LIPN: variants seen among roughly 807,000 people sequenced by gnomAD.
LIPN encodes the protein lipase member N.
LIPN carries 32 observed loss-of-function variants against 43.7 expected under a neutral mutation model. That is an observed-to-expected ratio of 0.73 (90% confidence interval 0.55 to 0.98). LIPN has a LOEUF of 0.98. Among genes scored for constraint, LIPN ranks in the 50% least tolerant of loss-of-function variants. LIPN has a pLI of 0.00. For missense variants in LIPN, 505 were observed against 483.8 expected, an observed-to-expected ratio of 1.04 and a Z score of -0.41; for synonymous variants, 156 against 157.6, an observed-to-expected ratio of 0.99 and a Z score of 0.08.
intron 7 of LIPN, among the ~76,000 whole-genome samples, chr10:88,771,442 C>G (rs1012635729): frequency 1.1e-4 from 17 of 151,938 alleles, no homozygotes; most frequent in African/African-American, 3.9e-4. Flanking sequence ...CCTCTGGTAA[C>G]CATCATTCTT....
At chr10:88,757,573 C>T (rs1842941842), upstream of LIPN, among the ~76,000 whole-genome samples, 1 of 151,994 alleles carries the variant, frequency 6.6e-6, no homozygotes, top group Non-Finnish European at 1.5e-5. Context: ...CTATTATAGC[C>T]ATTATTGTTT....
upstream of LIPN, among the ~76,000 whole-genome samples, chr10:88,758,781 A>G (rs1055373378): frequency 2.0e-5 from 3 of 151,966 alleles, no homozygotes; most frequent in African/African-American, 7.2e-5. Context: ...TTGAGGAGGG[A>G]ATATAAGTCA....
intron 7 of LIPN, among the ~76,000 whole-genome samples, chr10:88,772,303 AT>A (rs1843223171): frequency 6.6e-6 from 1 of 151,864 alleles, no homozygotes; most frequent in South Asian, 2.1e-4. Flanking sequence ...TTGCCTGTGC[AT>A]TTGAGGGCTT....
At chr10:88,768,015 T>TACACACATACACACACACACACACACAC (rs1370426410) in intron 5 of LIPN, among the ~76,000 whole-genome samples, 5 of 140,980 alleles carry the variant, frequency 3.5e-5, no homozygotes, top group African/African-American at 1.3e-4. Flanking sequence ...AGTGTTTCAG[T>TACACACATACACACACACACACACACAC]ACACACACAC....
At chr10:88,766,229 A>C in intron 4 of LIPN, 40 bp from the exon 5 acceptor site, 1 of 974,594 alleles carries the variant, frequency 1.0e-6, no homozygotes, top group Non-Finnish European at 1.6e-6. Context: ...TTAAACTTAA[A>C]CTTGCAAGTA....
chr10:88,766,406 G>A (rs1450579642), intron 5 of LIPN, 28 bp downstream of exon 5: 8 of 1,333,054 alleles, frequency 6.0e-6, no homozygotes, highest in African/African-American at 1.4e-5. Context: ...ACTGTTAGGT[G>A]TGTTTTTGAG....
At position 88,768,683 on chromosome 10, in the gene LIPN, A is replaced by C. The variant is rs1028728477; in HGVS notation, c.536-109A>C. ...CTCAGAAGACTTCCAATTCATCCCCAGTATGATCACGATAGAAGGAAAAAA... is the reference window on the plus strand; with the variant it reads ...CTCAGAAGACTTCCAATTCATCCCCCGTATGATCACGATAGAAGGAAAAAA... On this transcript the variant is annotated intron_variant, in intron 5 of 9. Coordinates refer to ENST00000404459, the MANE Select transcript of LIPN (RefSeq NM_001102469.2). The C allele has an allele frequency of 1.2e-5, 9 of 775,786 alleles. No homozygotes were observed. The African/African-American group carries it at 1.6e-4, about 14-fold the overall frequency. 48.1% of individuals were successfully genotyped at this position (775,786 alleles called of 1,614,324 possible).
intron 6 of LIPN, chr10:88,769,496 A>T (rs1205253392): frequency 1.3e-6 from 1 of 745,144 alleles, no homozygotes; most frequent in Admixed American, 6.6e-5. Context: ...TGGATTTGGG[A>T]TTTTATCTAT....
chr10:88,779,097 C>G lies in LIPN; in HGVS notation c.*855C>G, dbSNP rs1268954079. 1.3e-5 allele frequency among the ~76,000 whole-genome samples: 2 copies of G among 152,172 alleles called. No homozygotes were observed. The highest frequency in any genetic ancestry group is 3.8e-4 in the East Asian group (2 of 5,198). ...AACATTAAGTATTTTCTTCCTCCAT[C>G]TTAAAAGCAATGAGAAGCCACCAAA... is the stretch of plus-strand genomic sequence containing the variant. On this transcript the variant is annotated 3_prime_UTR_variant, in exon 10 of 10. Transcript: ENST00000404459.
At chr10:88,764,260 A>G (rs1843050253) in intron 3 of LIPN, 150 bp from the exon 4 acceptor site, 3 of 569,666 alleles carry the variant, frequency 5.3e-6, no homozygotes, top group Non-Finnish European at 6.1e-6. Context: ...TTGACAAGGG[A>G]AAAGTGAAAA....
Position 88,770,863 on chromosome 10 carries a change from G to A in LIPN, c.691G>A (p.Gly231Ser), listed in dbSNP as rs1378039376. Residue 231 changes from glycine (G) to serine (S), a missense_variant, in exon 7 of 10, where the codon GGT becomes AGT. By Grantham distance (56) the Gly-to-Ser change is moderately conservative. Transcript: ENST00000404459. ...TTCATAGGCTGTTTTTGGTACCAAAGGTTTCTTTTTAGAAGATAAGAAAAC... is the reference window on the plus strand; with the variant it reads ...TTCATAGGCTGTTTTTGGTACCAAAAGTTTCTTTTTAGAAGATAAGAAAAC... ...SIIKAVFGTK[G>S]FFLEDKKTKI... 5.9e-6 allele frequency: 9 copies of A among 1,520,612 alleles called. No individual in the cohort carries two copies. Among genetic ancestry groups the A allele is most frequent in the East Asian group, 2.5e-5 (1 of 40,548 alleles). 94.2% of individuals were successfully genotyped at this position (1,520,612 alleles called of 1,614,324 possible).
chr10:88,769,315 T>C (rs572773791), intron 6 of LIPN, among the ~76,000 whole-genome samples: 66 of 152,000 alleles, frequency 4.3e-4, no homozygotes, highest in African/African-American at 1.5e-3. Context: ...CACTGATGTG[T>C]CCAATTTTGA....
At chr10:88,763,261 A>G (rs1843032478) in intron 3 of LIPN, among the ~76,000 whole-genome samples, 1 of 152,076 alleles carries the variant, frequency 6.6e-6, no homozygotes, top group South Asian at 2.1e-4. Flanking sequence ...GTCATTATTT[A>G]TTCACTATTA....
rs1286361854 is a variant in LIPN at position 88,762,316 on chromosome 10, T to C, written c.226+11T>C. On this transcript the variant is annotated intron_variant, in intron 3 of 9. Coordinates refer to ENST00000404459, the MANE Select transcript of LIPN (RefSeq NM_001102469.2). Reference sequence around the variant, plus strand: ...ATGCTAGGAGCACAGGTACAAGATATGTCTCTCCTGAAAAGGGGACTGCAT... The same window carrying C: ...ATGCTAGGAGCACAGGTACAAGATACGTCTCTCCTGAAAAGGGGACTGCAT... 1.2e-5 allele frequency: 18 copies of C among 1,523,470 alleles called. No homozygotes were observed. The highest frequency in any genetic ancestry group is 1.5e-5 in the Non-Finnish European group (17 of 1,105,816). 94.4% of individuals were successfully genotyped at this position (1,523,470 alleles called of 1,614,324 possible). A position where few individuals can be genotyped will look rare whatever the true frequency, so the allele number is the denominator to read the frequency against.
At chr10:88,759,540 C>A (rs1212879101), upstream of LIPN, among the ~76,000 whole-genome samples, 1 of 152,106 alleles carries the variant, frequency 6.6e-6, no homozygotes, top group Non-Finnish European at 1.5e-5. Context: ...GTTTCCTCTG[C>A]CATACTGCTA....
chr10:88,776,679 G>C (rs772595025), intron 9 of LIPN, among the ~76,000 whole-genome samples: 9 of 152,058 alleles, frequency 5.9e-5, no homozygotes, highest in Non-Finnish European at 1.3e-4. Context: ...CATGAGGGTA[G>C]GGATTTCTCA....
chr10:88,767,189 G>A (rs1377089637), intron 5 of LIPN, among the ~76,000 whole-genome samples: 2 of 151,742 alleles, frequency 1.3e-5, no homozygotes, highest in African/African-American at 4.8e-5. Context: ...TTTCAGTTTA[G>A]GGAAATATTT....
rs768254217 is a variant in LIPN at position 88,764,514 on chromosome 10, G to A, written c.331G>A (p.Gly111Ser). Reference sequence around the variant, plus strand: ...CCTTGGATTCCTTCTAGCAGATGCAGGTTATGATGTATGGATGGGAAACAG... The same window carrying A: ...CCTTGGATTCCTTCTAGCAGATGCAAGTTATGATGTATGGATGGGAAACAG... ...GSLGFLLADA[G>S]YDVWMGNSRG... The change falls in exon 4 of 10, where the codon GGT (glycine) becomes AGT (serine). Residue 111 changes from glycine (G) to serine (S), a missense_variant. By Grantham distance (56) the Gly-to-Ser change is moderately conservative. Coordinates refer to ENST00000404459, the MANE Select transcript of LIPN (RefSeq NM_001102469.2). 3 of 1,612,200 alleles carry A rather than the reference G, an allele frequency of 1.9e-6. No individual in the cohort carries two copies. In the African/African-American group the frequency reaches 4.0e-5, roughly 22 times the overall value.
intron 7 of LIPN, among the ~76,000 whole-genome samples, chr10:88,773,478 G>A (rs303467): frequency 0.8 from 120,853 of 151,822 alleles, 49,115 homozygotes; most frequent in East Asian, 1. Context: ...TTGTTTTGAA[G>A]TAAAACCTGC....
Sources: allele counts gnomAD v4.1 joint callset (sites outside exome capture counted in the v4.1 genomes callset), GRCh38; gene constraint gnomAD v4.1.1; transcripts MANE v1.5; gene names NCBI Gene and HGNC (gene_info 2026-07-23, HGNC 2026-07-21).